Variants in ELAVL1 observed in about 807,000 individuals in gnomAD.
ELAVL1 encodes ELAV-like protein 1.
Under a neutral mutation model 28.4 loss-of-function variants are expected in ELAVL1, and 1 was observed. The ratio of observed to expected loss-of-function variants is 0.04; its 90% confidence interval spans 0.01 to 0.17. ELAVL1 has a LOEUF of 0.17. ELAVL1 is among the 10% of genes least tolerant of loss of function. ELAVL1 has a pLI of 1.00. For synonymous variants in ELAVL1, 174 were observed against 183.5 expected, an observed-to-expected ratio of 0.95 and a Z score of 0.42; for missense variants, 157 against 447.2, an observed-to-expected ratio of 0.35 and a Z score of 5.85.
Position 7,961,177 on chromosome 19 carries a change from G to A in ELAVL1, c.*2306C>T, listed in dbSNP as rs1984795512. ...CAGATAAAAGGGGGCGAGGAAAGAA[G>A]CTGAGGTGCTACAAGCCCGTCATCA... On this transcript the variant is annotated 3_prime_UTR_variant, in exon 6 of 6. Coordinates refer to ENST00000407627, the MANE Select transcript of ELAVL1 (RefSeq NM_001419.3). The A allele has an allele frequency of 2.0e-5, 3 of 152,408 alleles. No individual in the cohort carries two copies. The South Asian group carries it at 6.2e-4, about 32-fold the overall frequency. The allele number at this position is 152,408 out of a possible 1,614,324, so 9.4% of individuals were successfully genotyped here.
chr19:7,996,183 CT>C (rs35350359), intron 1 of ELAVL1, among the ~76,000 whole-genome samples: 9,319 of 140,926 alleles, frequency 0.066, 230 homozygotes, highest in Non-Finnish European at 0.076. Context: ...ACCCAGAACC[CT>C]TTTTTTTTTT....
chr19:7,991,852 A>C (rs770057455), intron 1 of ELAVL1, 21 bp from the exon 2 acceptor site: 1 of 1,571,850 alleles, frequency 6.4e-7, no homozygotes, highest in Admixed American at 1.8e-5. Context: ...AAAAAGAGCA[A>C]GTAAATTCAA....
At chr19:7,984,589 C>A (rs1985551545) in intron 2 of ELAVL1, among the ~76,000 whole-genome samples, 2 of 152,310 alleles carry the variant, frequency 1.3e-5, no homozygotes, top group East Asian at 3.9e-4. Flanking sequence ...CAGGCCAGGG[C>A]AGTAGAGGAA....
In ELAVL1 at chr19:7,960,314, G is replaced by C. The variant is rs1984769657; in HGVS notation, c.*3169C>G. The C allele has an allele frequency of 1.3e-5, 2 of 152,182 alleles. No individual in the cohort carries two copies. Among genetic ancestry groups the C allele is most frequent in the African/African-American group, 4.8e-5 (2 of 41,448 alleles). 9.4% of individuals were successfully genotyped at this position (152,182 alleles called of 1,614,324 possible). ...TCAGAGGTTAAGGCAGCTGCCCTTG[G>C]CCAGGAAAAGGCTCACCTTCCAGGA... On this transcript the variant is annotated 3_prime_UTR_variant, in exon 6 of 6. Coordinates refer to ENST00000407627, the MANE Select transcript of ELAVL1 (RefSeq NM_001419.3).
chr19:7,989,463 C>A (rs532474985), intron 2 of ELAVL1, among the ~76,000 whole-genome samples: 14 of 152,368 alleles, frequency 9.2e-5, no homozygotes, highest in African/African-American at 3.4e-4. Context: ...TCTCTCCAGA[C>A]TGAGCCAAAT....
chr19:7,959,813 C>A lies in ELAVL1; in HGVS notation c.*3670G>T, dbSNP rs1200438495. 2 of 152,064 alleles carry A rather than the reference C, an allele frequency of 1.3e-5. No individual in the cohort carries two copies. The highest frequency in any genetic ancestry group is 4.8e-5 in the African/African-American group (2 of 41,380). 9.4% of individuals were successfully genotyped at this position (152,064 alleles called of 1,614,324 possible). ...CCCCTGACCCCCAGAGTCAGCTAAA[C>A]CCCAGGGGTCTCTGCTAAGGAGCTG... On this transcript the variant is annotated 3_prime_UTR_variant, in exon 6 of 6. Coordinates refer to ENST00000407627, the MANE Select transcript of ELAVL1 (RefSeq NM_001419.3).
chr19:7,988,565 C>T (rs538560919), intron 2 of ELAVL1, among the ~76,000 whole-genome samples: 1 of 152,270 alleles, frequency 6.6e-6, no homozygotes, highest in Non-Finnish European at 1.5e-5. Context: ...GAGGTGGAGA[C>T]AGGGAACAGG....
intron 4 of ELAVL1, among the ~76,000 whole-genome samples, chr19:7,969,611 T>C (rs980668009): frequency 1.3e-5 from 2 of 152,198 alleles, no homozygotes; most frequent in East Asian, 1.9e-4. Context: ...ACGACACGAA[T>C]GACAGCTTAG....
intron 1 of ELAVL1, among the ~76,000 whole-genome samples, chr19:8,002,615 T>C (rs1476942745): frequency 6.6e-6 from 1 of 152,204 alleles, no homozygotes; most frequent in African/African-American, 2.4e-5. Context: ...TTGAATTCGA[T>C]TCAATAAACT....
At chr19:7,991,582 G>A (rs1030829371) in intron 2 of ELAVL1, 62 bp downstream of exon 2, 65 of 1,525,296 alleles carry the variant, frequency 4.3e-5, no homozygotes, top group Middle Eastern at 1.8e-4. Flanking sequence ...ACAGGCAAAG[G>A]AGACAGTGCC....
In ELAVL1 at chr19:7,962,878, A is replaced by G. The variant is rs4804056; in HGVS notation, c.*605T>C. Reference sequence around the variant, plus strand: ...TCTCTGGAGGGCCCGCCCAGCATGCAGCCCGTGGCCCCCGGCCCCAGTGGT... The same window carrying G: ...TCTCTGGAGGGCCCGCCCAGCATGCGGCCCGTGGCCCCCGGCCCCAGTGGT... On this transcript the variant is annotated 3_prime_UTR_variant, in exon 6 of 6. Transcript: ENST00000407627. The G allele has an allele frequency of 0.45, 68,337 of 152,640 alleles. 16,432 individuals carry two copies. The highest frequency in any genetic ancestry group is 0.55 in the East Asian group (2,825 of 5,168). 9.5% of individuals were successfully genotyped at this position (152,640 alleles called of 1,614,324 possible). A position where few individuals can be genotyped will look rare whatever the true frequency, so the allele number is the denominator to read the frequency against.
chr19:7,963,225 C>T lies in ELAVL1; in HGVS notation c.*258G>A, dbSNP rs769359250. On this transcript the variant is annotated 3_prime_UTR_variant, in exon 6 of 6. Coordinates refer to ENST00000407627, the MANE Select transcript of ELAVL1 (RefSeq NM_001419.3). The surrounding 1 kb of genome is among the most constrained non-coding windows in gnomAD (Gnocchi z 4.5). The stretch of plus-strand genomic sequence containing the variant: ...ATCCAGAGGGACTGGTTAGTCAATG[C>T]AGTTCTACTTAGATTTCTGTTTAAT... The T allele has an allele frequency of 4.3e-6, 2 of 460,348 alleles. No homozygotes were observed. The highest frequency in any genetic ancestry group is 7.7e-6 in the Non-Finnish European group (2 of 258,150). The allele number at this position is 460,348 out of a possible 1,614,324, so 28.5% of individuals were successfully genotyped here.
intron 2 of ELAVL1, among the ~76,000 whole-genome samples, chr19:7,989,424 T>C (rs1383142137): frequency 6.6e-6 from 1 of 152,262 alleles, no homozygotes; most frequent in African/African-American, 2.4e-5. Context: ...ATTACACTTT[T>C]GCAGCCTTCA....
intron 2 of ELAVL1, among the ~76,000 whole-genome samples, chr19:7,983,584 G>T (rs537795808): frequency 6.6e-6 from 1 of 152,234 alleles, no homozygotes; most frequent in African/African-American, 2.4e-5. Context: ...ACCTGCTCTC[G>T]AAGTGCTCAG....
chr19:8,004,295 G>GA (rs1803538289), intron 1 of ELAVL1, among the ~76,000 whole-genome samples: 1 of 152,198 alleles, frequency 6.6e-6, no homozygotes, highest in African/African-American at 2.4e-5. Flanking sequence ...TTATAGATAA[G>GA]AAAACTAAGG....
At position 7,963,822 on chromosome 19, in the gene ELAVL1, G is replaced by A. The variant is rs920203815; in HGVS notation, c.657-15C>T. The stretch of plus-strand genomic sequence containing the variant: ...TGGGGGAGAACCTGGCAGACAGAGA[G>A]CAAGCGTCAGGCCACGGTCAGCGCA... On this transcript the variant is annotated splice_polypyrimidine_tract_variant and intron_variant, in intron 5 of 5. Transcript: ENST00000407627. This position sits in a 1 kb window ranked among gnomAD's most constrained non-coding sequence, Gnocchi z 4.5. The A allele has an allele frequency of 2.5e-5, 41 of 1,610,522 alleles. No homozygotes were observed. The highest frequency in any genetic ancestry group is 3.5e-5 in the Non-Finnish European group (41 of 1,177,466).
chr19:8,000,027 T>C (rs1397479403), intron 1 of ELAVL1, among the ~76,000 whole-genome samples: 4 of 152,236 alleles, frequency 2.6e-5, no homozygotes, highest in Non-Finnish European at 4.4e-5. Context: ...TCCACCCGCC[T>C]TGGCCTCCCA....
At chr19:7,988,150 G>A (rs912050889) in intron 2 of ELAVL1, among the ~76,000 whole-genome samples, 4 of 152,186 alleles carry the variant, frequency 2.6e-5, no homozygotes, top group African/African-American at 4.8e-5. Flanking sequence ...CCAAGGACAC[G>A]CCTAGATTTC....
intron 1 of ELAVL1, among the ~76,000 whole-genome samples, chr19:7,996,663 A>T (rs1006695461): frequency 6.6e-6 from 1 of 151,960 alleles, no homozygotes; most frequent in Admixed American, 6.6e-5. Flanking sequence ...CAAAAAAAAA[A>T]TTAGCAAGGC....
Sources: gnomAD v4.1 joint callset for allele counts (sites outside exome capture counted in the v4.1 genomes callset) on GRCh38, gnomAD v4.1.1 for gene constraint, Gnocchi (gnomAD v3.1) non-coding constraint, MANE v1.5 for transcripts, NCBI Gene and HGNC (gene_info 2026-07-23, HGNC 2026-07-21) for gene names.